TTC16: variants seen among roughly 807,000 people sequenced by gnomAD.
TTC16 encodes tetratricopeptide repeat domain 16.
TTC16 carries 66 observed loss-of-function variants against 80.4 expected under a neutral mutation model. The ratio of observed to expected loss-of-function variants is 0.82; its 90% CI spans 0.67 to 1.01. The LOEUF (loss-of-function observed/expected upper bound fraction) is 1.01, where lower values mean the gene tolerates loss of function less well. TTC16 is among the 50% of genes least tolerant of loss of function. TTC16 has a pLI of 0.00. For missense variants in TTC16, 1,070 were observed against 1,103.2 expected, an observed-to-expected ratio of 0.97 and a Z score of 0.43; for synonymous variants, 438 against 451.3, an observed-to-expected ratio of 0.97 and a Z score of 0.37.
chr9:127,723,422 T>C, intron 7 of TTC16, 89 bp downstream of exon 7: 1 of 1,286,516 alleles, frequency 7.8e-7, no homozygotes. Context: ...TGACCCTCTC[T>C]GGGCCTCAGT....
rs183280370 is a variant in TTC16 at position 127,727,733 on chromosome 9, T to G, written c.1764+268T>G. On this transcript the variant is annotated intron_variant, in intron 12 of 13. Transcript: ENST00000373289. The stretch of plus-strand genomic sequence containing the variant: ...ATGGTCACTGTCATGAATTCTACTG[T>G]AGGCACTAGCCACTTGCCACTTGTG... The G allele has an allele frequency of 3.0e-5, 16 of 541,960 alleles. No individual in the cohort carries two copies. The Admixed American group carries it at 3.7e-4, about 13-fold the overall frequency. 33.6% of individuals were successfully genotyped at this position (541,960 alleles called of 1,614,324 possible). A position where few individuals can be genotyped will look rare whatever the true frequency, so the allele number is the denominator to read the frequency against.
intron 9 of TTC16, 93 bp downstream of exon 9, chr9:127,724,990 T>C (rs1338819359): frequency 4.9e-5 from 68 of 1,388,532 alleles, no homozygotes; most frequent in Admixed American, 6.1e-5. Flanking sequence ...TCAATCAAGC[T>C]GCTTCTCTCC....
intron 12 of TTC16, 166 bp downstream of exon 12, chr9:127,727,631 G>T: frequency 7.3e-7 from 1 of 1,371,848 alleles, no homozygotes; most frequent in Non-Finnish European, 9.5e-7. Flanking sequence ...AGATGGGGAT[G>T]GTACCAGCAA....
At chr9:127,720,813 T>TCCTCCCTC (rs1564380756) in intron 6 of TTC16, among the ~76,000 whole-genome samples, 7 of 45,184 alleles carry the variant, frequency 1.5e-4, no homozygotes, top group Non-Finnish European at 1.8e-4. Flanking sequence ...CCTCCCTCCT[T>TCCTCCCTC]CTTTCTTCCC....
chr9:127,727,196 GC>G (rs1371810551), intron 11 of TTC16, 73 bp from the exon 12 acceptor site: 9 of 1,522,004 alleles, frequency 5.9e-6, no homozygotes, highest in East Asian at 2.3e-5. Flanking sequence ...GCATGACGGG[GC>G]CGTTGTCTAG....
Position 127,717,462 on chromosome 9 carries a change from G to A in TTC16, c.282+38G>A, listed in dbSNP as rs1202293546. 14 of 1,596,222 alleles carry A rather than the reference G, an allele frequency of 8.8e-6. 1 individual carries two copies. Among genetic ancestry groups the A allele is most frequent in the Middle Eastern group, 1.7e-4 (1 of 5,996 alleles). ...CCTGGGTGGGCACAGGCAGTTGCTG[G>A]AACATGCTTCCTCCCTCCCTGTCGC... On this transcript the variant is annotated intron_variant, in intron 3 of 13. Transcript: ENST00000373289.
rs1462732092 is a variant in TTC16 at position 127,731,224 on chromosome 9, G to C, written c.2441G>C (p.Ser814Thr). Residue 814 changes from serine (S) to threonine (T), a missense_variant, in exon 14 of 14, where the codon AGC becomes ACC. Ser to Thr is a moderately conservative substitution (Grantham distance 58). Transcript: ENST00000373289. ...KTEAFYDSNW[S>T]LSKTEYAQGQ... is the part of the protein sequence containing the mutation. ...GAGGCTTTCTATGACTCAAACTGGA[G>C]CCTCAGCAAAACTGAGTATGCCCAA... The C allele has an allele frequency of 6.2e-7, 1 of 1,613,130 alleles. No individual in the cohort carries two copies. Among genetic ancestry groups the C allele is most frequent in the South Asian group, 1.1e-5 (1 of 91,074 alleles).
intron 13 of TTC16, 119 bp downstream of exon 13, chr9:127,729,787 G>A: frequency 1.1e-6 from 1 of 885,272 alleles, no homozygotes. Context: ...ACAGCTGGGT[G>A]GCCTGGGGCG....
At chr9:127,723,581 C>T (rs1427154077) in intron 7 of TTC16, among the ~76,000 whole-genome samples, 3 of 152,240 alleles carry the variant, frequency 2.0e-5, no homozygotes, top group South Asian at 4.1e-4. Context: ...AAGCAGTTCA[C>T]GCTGGGCGCT....
In TTC16 at chr9:127,723,134, C is replaced by G; in HGVS notation, c.673C>G (p.Arg225Gly). The G allele has an allele frequency of 1.2e-6, 2 of 1,611,678 alleles. No individual in the cohort carries two copies. Among genetic ancestry groups the G allele is most frequent in the Non-Finnish European group, 1.7e-6 (2 of 1,179,896 alleles). The change falls in exon 7 of 14, where the codon CGG (arginine) becomes GGG (glycine). Residue 225 changes from arginine (R) to glycine (G), a missense_variant. Coordinates refer to ENST00000373289, the MANE Select transcript of TTC16 (RefSeq NM_144965.3). Reference protein sequence around the residue: ...NFLQKPHLCYRDLHSALLLNP... With the variant: ...NFLQKPHLCYGDLHSALLLNP... The stretch of plus-strand genomic sequence containing the variant: ...CCTCCTGCAGCCCCACCTCTGCTAC[C>G]GGGACCTGCACAGCGCCTTGCTGTT...
intron 10 of TTC16, among the ~76,000 whole-genome samples, 194 bp from the exon 11 acceptor site, chr9:127,726,774 TGA>T (rs1397634824): frequency 1.5e-5 from 2 of 137,532 alleles, no homozygotes; most frequent in African/African-American, 2.6e-5. Context: ...GGCGATAGAG[TGA>T]GACTCTGTCT....
At chr9:127,721,864 T>G (rs1033450147) in intron 6 of TTC16, among the ~76,000 whole-genome samples, 17 of 151,972 alleles carry the variant, frequency 1.1e-4, no homozygotes, top group Admixed American at 1.0e-3. Context: ...CCAGCTAATT[T>G]TTGTATTTTT....
intron 7 of TTC16, 150 bp downstream of exon 7, chr9:127,723,483 C>A: frequency 1.3e-6 from 1 of 760,940 alleles, no homozygotes; most frequent in Non-Finnish European, 2.1e-6. Context: ...TGGGTTAAGG[C>A]ATTGCAGAGG....
At chr9:127,719,493 G>GTGTTT (rs1298148959) in intron 4 of TTC16, among the ~76,000 whole-genome samples, 1 of 152,148 alleles carries the variant, frequency 6.6e-6, no homozygotes, top group African/African-American at 2.4e-5. Context: ...TGCCATCTGA[G>GTGTTT]TGTTTTGTTT....
At chr9:127,724,725 G>C in intron 8 of TTC16, 31 bp from the exon 9 acceptor site, 2 of 1,597,630 alleles carry the variant, frequency 1.3e-6, no homozygotes, top group East Asian at 4.5e-5. Flanking sequence ...TGGGAGTTGG[G>C]GGTCCACTCA....
intron 1 of TTC16, 158 bp from the exon 2 acceptor site, chr9:127,716,686 G>C: frequency 1.1e-6 from 1 of 901,026 alleles, no homozygotes; most frequent in Non-Finnish European, 1.6e-6. Context: ...GTCCCTAAGG[G>C]GAATGGGGCT....
intron 9 of TTC16, among the ~76,000 whole-genome samples, chr9:127,725,497 G>A (rs1432153385): frequency 1.4e-5 from 2 of 144,556 alleles, no homozygotes; most frequent in Non-Finnish European, 3.0e-5. Flanking sequence ...CCGGGAGGTG[G>A]AGCTTGCAGT....
intron 1 of TTC16, chr9:127,716,600 A>T (rs1843034180): frequency 3.5e-6 from 2 of 578,854 alleles, no homozygotes; most frequent in Non-Finnish European, 6.1e-6. Context: ...CGGTGTTGTA[A>T]GCATGAGGAC....
intron 6 of TTC16, 21 bp downstream of exon 6, chr9:127,720,416 A>G (rs1564380277): frequency 4.4e-4 from 351 of 802,986 alleles, no homozygotes; most frequent in Middle Eastern, 1.0e-3. Context: ...GAGGGCGGGC[A>G]GGGGCATGCC....
Sources: gnomAD v4.1 joint callset for allele counts (sites outside exome capture counted in the v4.1 genomes callset) on GRCh38, gnomAD v4.1.1 for gene constraint, MANE v1.5 for transcripts, NCBI Gene and HGNC (gene_info 2026-07-23, HGNC 2026-07-21) for gene names.